The following IL1RAPL2 variants were observed in gnomAD, a reference collection of about 807,000 sequenced individuals.
IL1RAPL2 encodes the protein interleukin 1 receptor accessory protein like 2.
Under a neutral mutation model 44.1 loss-of-function variants are expected in IL1RAPL2, and 3 were observed. The observed-to-expected ratio is 0.07, with a 90% CI of 0.03 to 0.18. The LOEUF (loss-of-function observed/expected upper bound fraction) is 0.18, where lower values mean the gene tolerates loss of function less well. Ranked by LOEUF, IL1RAPL2 falls within the 10% of genes least tolerant of loss-of-function variation. The pLI, the probability that IL1RAPL2 is intolerant of heterozygous loss-of-function variation, is 1.00. For missense variants in IL1RAPL2, 391 were observed against 496.4 expected, an observed-to-expected ratio of 0.79 and a Z score of 2.02; for synonymous variants, 181 against 178.8, an observed-to-expected ratio of 1.01 and a Z score of -0.10.
intron 2 of IL1RAPL2, among the ~76,000 whole-genome samples, chrX:104,876,766 A>G (rs1219336280): frequency 9.8e-6 from 1 of 101,661 alleles, no homozygotes; most frequent in African/African-American, 3.7e-5. Flanking sequence ...TTTAGGGTAC[A>G]TGTGCACAAT....
At chrX:105,380,425 T>A (rs754805149) in intron 5 of IL1RAPL2, among the ~76,000 whole-genome samples, 1 of 111,205 alleles carries the variant, frequency 9.0e-6, no homozygotes, top group Admixed American at 9.6e-5. Context: ...ATGGGTAAAT[T>A]GTTTTCATAT....
intron 3 of IL1RAPL2, among the ~76,000 whole-genome samples, chrX:105,233,487 A>G (rs1157355913): frequency 1.8e-5 from 2 of 111,950 alleles, no homozygotes; most frequent in African/African-American, 6.5e-5. Flanking sequence ...AGTTATAGAG[A>G]GACTTTCTCA....
At chrX:105,004,312 G>T (rs1874248385) in intron 2 of IL1RAPL2, among the ~76,000 whole-genome samples, 1 of 110,780 alleles carries the variant, frequency 9.0e-6, no homozygotes, top group South Asian at 3.8e-4. Flanking sequence ...GACAGGAAGA[G>T]GTCAAAGCTG....
At chrX:105,666,491 C>G (rs968392971) in intron 6 of IL1RAPL2, among the ~76,000 whole-genome samples, 3 of 111,797 alleles carry the variant, frequency 2.7e-5, no homozygotes, top group Non-Finnish European at 3.8e-5. Flanking sequence ...GTACAGTATA[C>G]AGAGAAAGGA....
At chrX:105,644,672 T>C (rs1041132619) in intron 6 of IL1RAPL2, among the ~76,000 whole-genome samples, 1 of 110,960 alleles carries the variant, frequency 9.0e-6, no homozygotes, top group Non-Finnish European at 1.9e-5. Flanking sequence ...GTTTGTTACA[T>C]AGGTATATAT....
chrX:104,737,578 A>T (rs2147575853), intron 2 of IL1RAPL2, among the ~76,000 whole-genome samples: 1 of 112,027 alleles, frequency 8.9e-6, no homozygotes, highest in East Asian at 2.8e-4. Flanking sequence ...TTTGAGAACT[A>T]GAATCATGGT....
rs185500177 is a variant in IL1RAPL2 at position 104,970,946 on chromosome X, G to A, written c.83-224529G>A. The stretch of plus-strand genomic sequence containing the variant: ...GTAGATGGGATGGGTTGGAAGTCTT[G>A]TGCCAGCATTGTCTTTACCTAGAAC... On this transcript the variant is annotated intron_variant, in intron 2 of 10. Coordinates refer to ENST00000372582, the MANE Select transcript of IL1RAPL2 (RefSeq NM_017416.2). Among the ~76,000 whole-genome samples the A allele has an allele frequency of 4.5e-5, 5 of 112,183 alleles. No homozygotes were observed. The East Asian group carries it at 1.1e-3, about 25-fold the overall frequency.
chrX:105,054,777 C>A (rs1394478698), intron 2 of IL1RAPL2, among the ~76,000 whole-genome samples: 4 of 111,927 alleles, frequency 3.6e-5, no homozygotes, highest in Non-Finnish European at 7.5e-5. Flanking sequence ...TAACCCTGCT[C>A]CTAACCTAGA....
At chrX:104,881,636 G>A (rs184734186) in intron 2 of IL1RAPL2, among the ~76,000 whole-genome samples, 2 of 112,221 alleles carry the variant, frequency 1.8e-5, no homozygotes, top group African/African-American at 3.2e-5. Context: ...CATAGAAAAT[G>A]CTTATCTACT....
chrX:105,620,310 G>C lies in IL1RAPL2; in HGVS notation c.773-97057G>C, dbSNP rs1388247460. ...CTGATGTCACAGATGAAGAAACCAA[G>C]GTTCAGGGAAGTGAAGCAATTTTCT... On this transcript the variant is annotated intron_variant, in intron 6 of 10. Transcript: ENST00000372582. Among the ~76,000 whole-genome samples, 3 of 110,997 alleles carry C rather than the reference G, an allele frequency of 2.7e-5. No individual in the cohort carries two copies. The Admixed American group carries it at 2.9e-4, about 11-fold the overall frequency.
chrX:105,010,907 G>A (rs1028120044), intron 2 of IL1RAPL2, among the ~76,000 whole-genome samples: 1 of 111,511 alleles, frequency 9.0e-6, no homozygotes, highest in African/African-American at 3.3e-5. Flanking sequence ...AGAGACTATA[G>A]GAAGTAGAGA....
intron 6 of IL1RAPL2, among the ~76,000 whole-genome samples, chrX:105,640,654 GTATATATATATATATATATA>G (rs768814568): frequency 3.4e-4 from 20 of 59,475 alleles, no homozygotes; most frequent in East Asian, 1.2e-3. Flanking sequence ...GTATGTGTGT[GTATATATATATATATATATA>G]TATATATATA....
At chrX:104,768,614 G>T (rs1932593289) in intron 2 of IL1RAPL2, among the ~76,000 whole-genome samples, 1 of 111,096 alleles carries the variant, frequency 9.0e-6, no homozygotes, top group African/African-American at 3.3e-5. Context: ...AACAGGTGAA[G>T]AATAATATGG....
chrX:105,015,905 G>A (rs2031164744), intron 2 of IL1RAPL2, among the ~76,000 whole-genome samples: 1 of 111,502 alleles, frequency 9.0e-6, no homozygotes, highest in African/African-American at 3.3e-5. Flanking sequence ...ACTTTGATCA[G>A]TATGGCCATT....
At chrX:105,187,683 G>A (rs1483685391) in intron 2 of IL1RAPL2, among the ~76,000 whole-genome samples, 1 of 111,847 alleles carries the variant, frequency 8.9e-6, no homozygotes, top group Non-Finnish European at 1.9e-5. Context: ...TAAAAATGTT[G>A]AACTTACAGA....
intron 6 of IL1RAPL2, among the ~76,000 whole-genome samples, chrX:105,624,235 G>A (rs1377657843): frequency 3.6e-5 from 4 of 111,095 alleles, no homozygotes; most frequent in African/African-American, 1.3e-4. Flanking sequence ...AGCACCAGGC[G>A]ATTGTGCTGA....
intron 5 of IL1RAPL2, among the ~76,000 whole-genome samples, chrX:105,362,584 A>G (rs1432194785): frequency 1.8e-5 from 2 of 110,938 alleles, no homozygotes; most frequent in Non-Finnish European, 3.8e-5. Flanking sequence ...GTTATCAGTG[A>G]GAGAAATTAT....
At chrX:104,952,601 C>A (rs778012172) in intron 2 of IL1RAPL2, among the ~76,000 whole-genome samples, 19 of 110,750 alleles carry the variant, frequency 1.7e-4, no homozygotes, top group Non-Finnish European at 3.4e-4. Flanking sequence ...TGGGGTACAC[C>A]CTAGGCCCTA....
intron 6 of IL1RAPL2, among the ~76,000 whole-genome samples, chrX:105,517,198 G>A (rs1306940028): frequency 1.8e-5 from 2 of 111,819 alleles, no homozygotes; most frequent in Non-Finnish European, 3.8e-5. Context: ...AACATGAAGT[G>A]TCCACAGATC....
Sources: allele counts gnomAD v4.1 joint callset (sites outside exome capture counted in the v4.1 genomes callset), GRCh38; gene constraint gnomAD v4.1.1; transcripts MANE v1.5; gene names NCBI Gene and HGNC (gene_info 2026-07-23, HGNC 2026-07-21).